ILDR2: variants seen among roughly 807,000 people sequenced by gnomAD.
The protein encoded by ILDR2 is immunoglobulin like domain containing receptor 2, also known as immunoglobulin-like domain-containing receptor 2.
A neutral mutation model predicts 66.8 loss-of-function variants in ILDR2; 25 were observed. That is an observed-to-expected ratio of 0.37 (90% confidence interval 0.27 to 0.52). The LOEUF (loss-of-function observed/expected upper bound fraction) is 0.52, where lower values mean the gene tolerates loss of function less well. ILDR2 is among the 20% of genes least tolerant of loss of function. The pLI is 0.88. For synonymous variants in ILDR2, 367 were observed against 357.2 expected, an observed-to-expected ratio of 1.03 and a Z score of -0.31; for missense variants, 827 against 876.8, an observed-to-expected ratio of 0.94 and a Z score of 0.72.
intron 1 of ILDR2, 74 bp downstream of exon 1, chr1:166,975,149 C>G: frequency 7.9e-7 from 1 of 1,257,896 alleles, no homozygotes; most frequent in South Asian, 1.2e-5. Context: ...AATGGGGGGG[C>G]GGGGGGCGCG....
chr1:166,953,053 T>C (rs186145913), intron 3 of ILDR2, among the ~76,000 whole-genome samples: 2 of 152,308 alleles, frequency 1.3e-5, no homozygotes, highest in African/African-American at 2.4e-5. Flanking sequence ...TAGACACATA[T>C]TGTTTTTTTG....
rs1344644039 is a variant in ILDR2 at position 166,936,285 on chromosome 1, G to C, written c.703+306C>G. Among the ~76,000 whole-genome samples the C allele has an allele frequency of 6.6e-6, 1 of 152,198 alleles. No homozygotes were observed. Among genetic ancestry groups the C allele is most frequent in the Non-Finnish European group, 1.5e-5 (1 of 68,036 alleles). On this transcript the variant is annotated intron_variant, in intron 5 of 9. Transcript: ENST00000271417. This position sits in a 1 kb window ranked among gnomAD's most constrained non-coding sequence, Gnocchi z 5.0. ...TTGAATGCCCCAGGGAGAGGGAACA[G>C]TCTTACACCACAACCTCACCACGCC...
Position 166,914,116 on chromosome 1 carries a change from C to CA in ILDR2, c.*5238dup, listed in dbSNP as rs11443216. On this transcript the variant is annotated 3_prime_UTR_variant, in exon 10 of 10. Coordinates refer to ENST00000271417, the MANE Select transcript of ILDR2 (RefSeq NM_199351.3). ...TGGGCCACAGAGCAAGACCCTGTCT[C>CA]AAAAAAAAAAAAAAGAAAGAAAAAG... The CA allele has an allele frequency of 0.43, 58,457 of 135,412 alleles. 12,026 individuals are homozygous for CA. Among genetic ancestry groups the CA allele is most frequent in the East Asian group, 0.7 (3,285 of 4,704 alleles). 8.4% of individuals were successfully genotyped at this position (135,412 alleles called of 1,614,324 possible).
At chr1:166,942,115 G>A (rs1397295938) in intron 3 of ILDR2, among the ~76,000 whole-genome samples, 1 of 152,218 alleles carries the variant, frequency 6.6e-6, no homozygotes, top group African/African-American at 2.4e-5. Flanking sequence ...TCTACAAACA[G>A]AAAGACCATC....
chr1:166,939,453 A>G (rs1661183136), intron 4 of ILDR2, 61 bp downstream of exon 4: 2 of 1,388,680 alleles, frequency 1.4e-6, no homozygotes, highest in Non-Finnish European at 2.1e-6. Flanking sequence ...CGACTAATGC[A>G]GAAGCAAGAC....
At position 166,933,577 on chromosome 1, in the gene ILDR2, A is replaced by C. The variant is rs930691509; in HGVS notation, c.880+1724T>G. ...GAGACCAAAATGGTTGAACTGCAACAAAGAGAAACTGGAAAAAGACAGAAA... is the reference window on the plus strand; with the variant it reads ...GAGACCAAAATGGTTGAACTGCAACCAAGAGAAACTGGAAAAAGACAGAAA... On this transcript the variant is annotated intron_variant, in intron 6 of 9. Transcript: ENST00000271417. The C allele has an allele frequency of 3.4e-5, 33 of 979,988 alleles. No homozygotes were observed. In the African/African-American group the frequency reaches 5.8e-4, roughly 17 times the overall value. The allele number at this position is 979,988 out of a possible 1,614,324, so 60.7% of individuals were successfully genotyped here. A position where few individuals can be genotyped will look rare whatever the true frequency, so the allele number is the denominator to read the frequency against.
At chr1:166,925,086 A>G (rs1660198127) in intron 7 of ILDR2, among the ~76,000 whole-genome samples, 1 of 152,162 alleles carries the variant, frequency 6.6e-6, no homozygotes, top group Non-Finnish European at 1.5e-5. Context: ...AGAACTTCCC[A>G]GACTAAAAAC....
intron 1 of ILDR2, 82 bp downstream of exon 1, chr1:166,975,141 T>C (rs1557964639): frequency 1.6e-6 from 2 of 1,220,074 alleles, no homozygotes; most frequent in East Asian, 2.4e-5. Context: ...AGGAGGAAAA[T>C]GGGGGGGCGG....
intron 1 of ILDR2, among the ~76,000 whole-genome samples, chr1:166,959,426 C>T (rs1040137660): frequency 6.6e-6 from 1 of 152,180 alleles, no homozygotes; most frequent in African/African-American, 2.4e-5. Context: ...GGAAGTATCA[C>T]TTCAGGAGGA....
intron 3 of ILDR2, among the ~76,000 whole-genome samples, chr1:166,941,951 G>A (rs1169015090): frequency 6.6e-6 from 1 of 152,196 alleles, no homozygotes; most frequent in African/African-American, 2.4e-5. Context: ...ATATTATATA[G>A]AGCATGTTAT....
intron 6 of ILDR2, among the ~76,000 whole-genome samples, chr1:166,934,674 A>T (rs1213526012): frequency 6.6e-6 from 1 of 152,210 alleles, no homozygotes; most frequent in African/African-American, 2.4e-5. Context: ...CAAATTGGAC[A>T]CTGTCACATA....
At chr1:166,945,826 T>A (rs764896999) in intron 3 of ILDR2, among the ~76,000 whole-genome samples, 5 of 152,180 alleles carry the variant, frequency 3.3e-5, no homozygotes, top group African/African-American at 7.2e-5. Flanking sequence ...TAAGTTGGAG[T>A]CCTTCTAGGG....
At chr1:166,966,109 C>G (rs1006244297) in intron 1 of ILDR2, among the ~76,000 whole-genome samples, 1 of 151,884 alleles carries the variant, frequency 6.6e-6, no homozygotes, top group Admixed American at 6.6e-5. Context: ...AACTATTCAT[C>G]GCCTTGATAA....
In ILDR2 at chr1:166,921,058, C is replaced by T; in HGVS notation, c.1533G>A (p.Pro511=). Residue 511 remains proline, a synonymous_variant, in exon 9 of 10, where the codon CCG becomes CCA. Transcript: ENST00000271417. This position sits in a 1 kb window ranked among gnomAD's most constrained non-coding sequence, Gnocchi z 5.3. ...RRRPAEDAHL[P]RLVSRTPGTA... Reference sequence around the variant, plus strand: ...TGCCTGGCGTGCGGCTCACCAGCCGCGGCAGGTGCGCGTCCTCGGCGGGTC... The same window carrying T: ...TGCCTGGCGTGCGGCTCACCAGCCGTGGCAGGTGCGCGTCCTCGGCGGGTC... 6.7e-7 allele frequency: 1 copy of T among 1,492,938 alleles called. No individual in the cohort carries two copies. Among genetic ancestry groups the T allele is most frequent in the African/African-American group, 1.5e-5 (1 of 68,932 alleles). The allele number at this position is 1,492,938 out of a possible 1,614,324, so 92.5% of individuals were successfully genotyped here.
intron 1 of ILDR2, among the ~76,000 whole-genome samples, chr1:166,966,500 C>G (rs1165692930): frequency 6.6e-6 from 1 of 152,154 alleles, no homozygotes; most frequent in Non-Finnish European, 1.5e-5. Context: ...TGGATTTTTG[C>G]TCATGGCATA....
At chr1:166,967,977 C>T (rs1663061146) in intron 1 of ILDR2, among the ~76,000 whole-genome samples, 1 of 152,128 alleles carries the variant, frequency 6.6e-6, no homozygotes, top group Non-Finnish European at 1.5e-5. Flanking sequence ...CATTGTGTCT[C>T]GCCATGCTTT....
At chr1:166,963,719 T>C (rs1485356557) in intron 1 of ILDR2, among the ~76,000 whole-genome samples, 2 of 152,196 alleles carry the variant, frequency 1.3e-5, no homozygotes, top group African/African-American at 4.8e-5. Context: ...TGGCCCCCAG[T>C]ATGCTCCAGC....
At chr1:166,941,341 G>C (rs1661302079) in intron 3 of ILDR2, among the ~76,000 whole-genome samples, 1 of 152,162 alleles carries the variant, frequency 6.6e-6, no homozygotes, top group African/African-American at 2.4e-5. Context: ...TGTCTTCTCA[G>C]GCTAGTCTTT....
intron 6 of ILDR2, among the ~76,000 whole-genome samples, chr1:166,931,640 G>A (rs1283311122): frequency 6.6e-6 from 1 of 152,162 alleles, no homozygotes; most frequent in East Asian, 1.9e-4. Context: ...AAGGTGGGAG[G>A]TAATGGCAGC....
Sources: allele counts gnomAD v4.1 joint callset (sites outside exome capture counted in the v4.1 genomes callset), GRCh38; gene constraint gnomAD v4.1.1; non-coding constraint Gnocchi (gnomAD v3.1); transcripts MANE v1.5; gene names NCBI Gene and HGNC (gene_info 2026-07-23, HGNC 2026-07-21).